Variants in FSTL4 observed in about 807,000 individuals in gnomAD.
The protein encoded by FSTL4 is follistatin-related protein 4.
A neutral mutation model predicts 78.2 loss-of-function variants in FSTL4; 28 were observed. That is an observed-to-expected ratio of 0.36 (90% CI 0.27 to 0.49). The LOEUF (loss-of-function observed/expected upper bound fraction) is 0.49. FSTL4 is among the 20% of genes least tolerant of loss of function. The pLI, the probability that FSTL4 is intolerant of heterozygous loss-of-function variation, is 0.98. For synonymous variants in FSTL4, 422 were observed against 440.5 expected (o/e 0.96, Z 0.53); for missense variants, 922 against 1,084.9 (o/e 0.85, Z 2.11).
intron 4 of FSTL4, among the ~76,000 whole-genome samples, chr5:133,342,336 G>A (rs953230313): frequency 4.6e-5 from 7 of 152,130 alleles, no homozygotes; most frequent in African/African-American, 1.7e-4. Flanking sequence ...TGCAGAGAAG[G>A]GGCAGGGGAA....
At chr5:133,766,116 G>A in the FSTL4 span, among the ~76,000 whole-genome samples, 1 of 152,334 alleles carries the variant, frequency 6.6e-6, no homozygotes. Context: ...AAATGCTGGA[G>A]GGGTGAATTA....
intron 3 of FSTL4, among the ~76,000 whole-genome samples, chr5:133,493,930 A>G (rs1241061575): frequency 6.6e-6 from 1 of 152,168 alleles, no homozygotes; most frequent in South Asian, 2.1e-4. Context: ...TTCTTCTGAG[A>G]CAGAAACCAG....
intron 7 of FSTL4, among the ~76,000 whole-genome samples, chr5:133,243,430 GGGCCAGA>G (rs796259137): frequency 6.6e-6 from 1 of 152,162 alleles, no homozygotes; most frequent in South Asian, 2.1e-4. Context: ...TTCCTTGCTG[GGGCCAGA>G]GGCCAGCAGC....
chr5:133,773,859 T>G, the FSTL4 span, among the ~76,000 whole-genome samples: 2 of 152,214 alleles, frequency 1.3e-5, no homozygotes, highest in Non-Finnish European at 2.9e-5. Context: ...ATTGGGTTAC[T>G]CACCCATTTG....
chr5:133,730,398 G>A, the FSTL4 span, among the ~76,000 whole-genome samples: 46 of 152,242 alleles, frequency 3.0e-4, 1 homozygote, highest in South Asian at 9.2e-3. Context: ...TGAACTAGAC[G>A]GGACTCAGGA....
chr5:133,631,539 C>T, the FSTL4 span, among the ~76,000 whole-genome samples: 1 of 152,186 alleles, frequency 6.6e-6, no homozygotes, highest in Non-Finnish European at 1.5e-5. Context: ...AACACTTTTA[C>T]ACTGCTGGTA....
chr5:133,554,786 G>T (rs539125982), intron 3 of FSTL4, among the ~76,000 whole-genome samples: 182 of 152,320 alleles, frequency 1.2e-3, no homozygotes, highest in Non-Finnish European at 2.0e-3. Context: ...TTCTGCAGAA[G>T]ACCAGTGAGA....
the FSTL4 span, among the ~76,000 whole-genome samples, chr5:133,688,379 C>T: frequency 6.6e-6 from 1 of 152,164 alleles, no homozygotes; most frequent in South Asian, 2.1e-4. Context: ...CACCATGGCA[C>T]TCCAGCCTGG....
At chr5:133,698,611 T>C in the FSTL4 span, among the ~76,000 whole-genome samples, 4 of 152,272 alleles carry the variant, frequency 2.6e-5, no homozygotes, top group Non-Finnish European at 5.9e-5. Flanking sequence ...CAATAATGCA[T>C]GACTATTACA....
chr5:133,248,405 C>G (rs902586379), intron 7 of FSTL4: 1 of 152,196 alleles, frequency 6.6e-6, no homozygotes, highest in Admixed American at 6.5e-5. Context: ...CTCTCTTCTG[C>G]ATGAAAATTA....
the FSTL4 span, among the ~76,000 whole-genome samples, chr5:133,624,545 T>C: frequency 6.6e-6 from 1 of 151,860 alleles, no homozygotes; most frequent in Non-Finnish European, 1.5e-5. Flanking sequence ...ATATGCTAAA[T>C]GTCACTGATT....
At chr5:133,325,825 C>T (rs557818434) in intron 4 of FSTL4, among the ~76,000 whole-genome samples, 1 of 152,172 alleles carries the variant, frequency 6.6e-6, no homozygotes, top group South Asian at 2.1e-4. Flanking sequence ...AGAGACAGGA[C>T]ATGCCCCCAT....
chr5:133,752,436 G>C, the FSTL4 span, among the ~76,000 whole-genome samples: 1 of 152,028 alleles, frequency 6.6e-6, no homozygotes, highest in Non-Finnish European at 1.5e-5. Flanking sequence ...GGCCAACATG[G>C]TGAAACCCCG....
chr5:133,810,351 C>G, the FSTL4 span, among the ~76,000 whole-genome samples: 1 of 152,020 alleles, frequency 6.6e-6, no homozygotes, highest in Non-Finnish European at 1.5e-5. Context: ...ACAGGATTTG[C>G]ATTTCGAAAA....
At position 133,225,940 on chromosome 5, in the gene FSTL4, GT is replaced by G. The variant is rs957486958; in HGVS notation, c.1016-122del. The G allele has an allele frequency of 1.6e-4, 102 of 628,774 alleles. No individual in the cohort carries two copies. Among genetic ancestry groups the G allele is most frequent in the African/African-American group, 1.5e-3 (80 of 54,492 alleles). 38.9% of individuals were successfully genotyped at this position (628,774 alleles called of 1,614,324 possible). ...CCCAAGTAGGTGACTGGAGTTCTGT[GT>G]TTAACCAAATTATAATAATCCTGTC... On this transcript the variant is annotated intron_variant, in intron 8 of 15. Coordinates refer to ENST00000265342, the MANE Select transcript of FSTL4 (RefSeq NM_015082.2). The surrounding 1 kb of genome is among the most constrained non-coding windows in gnomAD (Gnocchi z 4.6).
chr5:133,697,703 C>T, the FSTL4 span, among the ~76,000 whole-genome samples: 1 of 152,210 alleles, frequency 6.6e-6, no homozygotes, highest in African/African-American at 2.4e-5. Flanking sequence ...AGGCTCTGGC[C>T]CTCAGAGGCA....
intron 4 of FSTL4, among the ~76,000 whole-genome samples, chr5:133,318,234 C>T (rs71585579): frequency 6.6e-6 from 1 of 152,204 alleles, no homozygotes; most frequent in Admixed American, 6.5e-5. Context: ...GCTTGCATCC[C>T]TCTTTTGCCT....
chr5:133,647,397 C>T, the FSTL4 span, among the ~76,000 whole-genome samples: 2 of 152,100 alleles, frequency 1.3e-5, no homozygotes. Flanking sequence ...AATAAAATAC[C>T]CACATTATCT....
chr5:133,406,602 T>C (rs1173828287), intron 3 of FSTL4, among the ~76,000 whole-genome samples: 1 of 152,188 alleles, frequency 6.6e-6, no homozygotes, highest in Non-Finnish European at 1.5e-5. Context: ...CTCCACCCTG[T>C]AACGCCTCAT....
Sources: gnomAD v4.1 joint callset for allele counts (sites outside exome capture counted in the v4.1 genomes callset) on GRCh38, gnomAD v4.1.1 for gene constraint, Gnocchi (gnomAD v3.1) non-coding constraint, MANE v1.5 for transcripts, NCBI Gene and HGNC (gene_info 2026-07-23, HGNC 2026-07-21) for gene names.